Variants in KATNIP observed in about 807,000 individuals in gnomAD.
KATNIP encodes katanin interacting protein.
KATNIP carries 126 observed loss-of-function variants against 174.0 expected under a neutral mutation model. That is an observed-to-expected ratio of 0.72 (90% CI 0.63 to 0.84). KATNIP has a LOEUF of 0.84. Ranked by LOEUF, KATNIP falls within the 40% of genes least tolerant of loss-of-function variation. The pLI, the probability that KATNIP is intolerant of heterozygous loss-of-function variation, is 0.00. For missense variants in KATNIP, 1,958 were observed against 2,109.7 expected, an observed-to-expected ratio of 0.93 and a Z score of 1.41; for synonymous variants, 810 against 835.7, an observed-to-expected ratio of 0.97 and a Z score of 0.53.
At chr16:27,599,857 C>T (rs906946559) in intron 2 of KATNIP, among the ~76,000 whole-genome samples, 4 of 152,186 alleles carry the variant, frequency 2.6e-5, no homozygotes, top group Admixed American at 6.5e-5. Context: ...CTCTGTCCCA[C>T]GTGCCTGCCT....
At chr16:27,675,608 A>G in intron 6 of KATNIP, among the ~76,000 whole-genome samples, 1 of 152,142 alleles carries the variant, frequency 6.6e-6, no homozygotes, top group East Asian at 1.9e-4. Context: ...TTCCTTTTTC[A>G]GGAAGAGCAG....
Position 27,698,476 on chromosome 16 carries a change from C to G in KATNIP, c.1089C>G (p.Ala363=), listed in dbSNP as rs61740297. ...AGAGGGCGCTCCTCAGCAGAAAGGC[C>G]GAGCAGCCAGCCAGCCCACTGCAGG... is the stretch of plus-strand genomic sequence containing the variant. ...ALQRALLSRK[A]EQPASPLQDA... is the part of the protein sequence containing the mutation. The change falls in exon 9 of 28, where the codon GCC becomes GCG. Residue 363 remains alanine (A), a synonymous_variant. Coordinates refer to ENST00000261588, the MANE Select transcript of KATNIP (RefSeq NM_015202.5). 6.2e-7 allele frequency: 1 copy of G among 1,610,780 alleles called. No individual in the cohort carries two copies. The highest frequency in any genetic ancestry group is 1.7e-5 in the Admixed American group (1 of 59,886).
intron 7 of KATNIP, 75 bp downstream of exon 7, chr16:27,678,071 G>A (rs2078188606): frequency 6.6e-7 from 1 of 1,522,382 alleles, no homozygotes; most frequent in Non-Finnish European, 9.0e-7. Context: ...AACTTCCAGT[G>A]GTCCTTTGAG....
At position 27,642,763 on chromosome 16, in the gene KATNIP, TA is replaced by T. The variant is rs201059771; in HGVS notation, c.409-5835del. Among the ~76,000 whole-genome samples, 605 of 140,670 alleles carry T rather than the reference TA, an allele frequency of 4.3e-3. 2 individuals carry two copies. The highest frequency in any genetic ancestry group is 0.017 in the South Asian group (68 of 4,054). 92.3% of individuals were successfully genotyped at this position (140,670 alleles called of 152,430 possible). On this transcript the variant is annotated intron_variant, in intron 5 of 27. Transcript: ENST00000261588. ...GCTGGACACATTGTTTTTTAATTTT[TA>T]AAAAATTTTTTTTTTTTTTTTTTTG...
intron 8 of KATNIP, among the ~76,000 whole-genome samples, chr16:27,692,683 G>A (rs1210093482): frequency 6.6e-6 from 1 of 152,136 alleles, no homozygotes; most frequent in Non-Finnish European, 1.5e-5. Context: ...TTCCCAGATG[G>A]TACATCTCAA....
At chr16:27,744,103 C>T (rs1165678024) in intron 15 of KATNIP, among the ~76,000 whole-genome samples, 1 of 152,190 alleles carries the variant, frequency 6.6e-6, no homozygotes, top group East Asian at 1.9e-4. Context: ...TTAAATTATC[C>T]ATTACCCAGA....
intron 1 of KATNIP, among the ~76,000 whole-genome samples, chr16:27,571,941 A>G (rs1229448543): frequency 6.6e-6 from 1 of 152,186 alleles, no homozygotes; most frequent in African/African-American, 2.4e-5. Flanking sequence ...GGAGGTCCTG[A>G]TAAAATTGGC....
rs978198440 is a variant in KATNIP at position 27,630,975 on chromosome 16, C to A, written c.311-90C>A. On this transcript the variant is annotated intron_variant, in intron 4 of 27. Coordinates refer to ENST00000261588, the MANE Select transcript of KATNIP (RefSeq NM_015202.5). ...ACACAAGACTTTGGGCACACTGATA[C>A]GCATTTTAGACATGAGTTACAAACC... is the stretch of plus-strand genomic sequence containing the variant. 4.7e-5 allele frequency: 45 copies of A among 965,288 alleles called. No individual in the cohort carries two copies. The Admixed American group carries it at 9.1e-4, about 20-fold the overall frequency. 59.8% of individuals were successfully genotyped at this position (965,288 alleles called of 1,614,324 possible).
At chr16:27,770,885 C>T (rs529354200) in intron 21 of KATNIP, among the ~76,000 whole-genome samples, 1 of 152,306 alleles carries the variant, frequency 6.6e-6, no homozygotes, top group African/African-American at 2.4e-5. Flanking sequence ...TGCCTTCCAG[C>T]CTCCTCTCAC....
chr16:27,749,898 G>A lies in KATNIP; in HGVS notation c.2938G>A (p.Asp980Asn), dbSNP rs756182624. Reference sequence around the variant, plus strand: ...GCCTTATGGACAGCGCTTGGTCATTGACATCAAGTCTACCTGGGGGGACAG... The same window carrying A: ...GCCTTATGGACAGCGCTTGGTCATTAACATCAAGTCTACCTGGGGGGACAG... ...VLPYGQRLVI[D>N]IKSTWGDRHY... is the part of the protein sequence containing the mutation. The change falls in exon 16 of 28, where the codon GAC becomes AAC. Residue 980 changes from aspartate to asparagine, a missense_variant. By Grantham distance (23) the Asp-to-Asn change is conservative. Coordinates refer to ENST00000261588, the MANE Select transcript of KATNIP (RefSeq NM_015202.5). 1 of 1,614,186 alleles carries A rather than the reference G, an allele frequency of 6.2e-7. No individual in the cohort carries two copies. The highest frequency in any genetic ancestry group is 8.5e-7 in the Non-Finnish European group (1 of 1,180,028).
At chr16:27,613,209 G>C (rs540720043) in intron 2 of KATNIP, among the ~76,000 whole-genome samples, 34 of 152,326 alleles carry the variant, frequency 2.2e-4, no homozygotes, top group Admixed American at 3.3e-4. Context: ...AGGAAGTTGA[G>C]GCTGCAGTGA....
At chr16:27,566,793 C>T (rs1423344985) in intron 1 of KATNIP, among the ~76,000 whole-genome samples, 1 of 152,194 alleles carries the variant, frequency 6.6e-6, no homozygotes, top group Non-Finnish European at 1.5e-5. Context: ...AGAGCTATCA[C>T]CCGGGGAAGA....
At chr16:27,584,904 G>C (rs755384427) in intron 2 of KATNIP, among the ~76,000 whole-genome samples, 25 of 152,182 alleles carry the variant, frequency 1.6e-4, no homozygotes, top group Non-Finnish European at 2.9e-4. Flanking sequence ...GCTCAGAGCG[G>C]TGAGACAGCC....
At position 27,593,235 on chromosome 16, in the gene KATNIP, C is replaced by G. The variant is rs550949514; in HGVS notation, c.63+19279C>G. On this transcript the variant is annotated intron_variant, in intron 2 of 27. Coordinates refer to ENST00000261588, the MANE Select transcript of KATNIP (RefSeq NM_015202.5). ...CTAAACCCCTTAAACACCCACCCCC[C>G]ACCCTTTTTTTTTTTTTTTGTCTGA... 5.8e-5 allele frequency among the ~76,000 whole-genome samples: 6 copies of G among 103,820 alleles called. No individual in the cohort carries two copies. The Admixed American group carries it at 6.6e-4, about 11-fold the overall frequency. The allele number at this position is 103,820 out of a possible 152,430, so 68.1% of individuals were successfully genotyped here.
chr16:27,656,683 G>T (rs1386382171), intron 6 of KATNIP, among the ~76,000 whole-genome samples: 1 of 147,600 alleles, frequency 6.8e-6, no homozygotes, highest in Admixed American at 6.9e-5. Flanking sequence ...GTAAACTATC[G>T]CAAGAACAAA....
At chr16:27,577,924 C>T (rs775197637) in intron 2 of KATNIP, among the ~76,000 whole-genome samples, 9 of 152,042 alleles carry the variant, frequency 5.9e-5, no homozygotes, top group East Asian at 5.8e-4. Context: ...GTGATTATAA[C>T]GTGTAGCAGT....
intron 3 of KATNIP, among the ~76,000 whole-genome samples, chr16:27,623,311 TAA>T (rs1349732773): frequency 2.6e-5 from 4 of 152,196 alleles, no homozygotes; most frequent in Non-Finnish European, 5.9e-5. Flanking sequence ...AGTTCATTTC[TAA>T]AACAGGCCAA....
intron 5 of KATNIP, among the ~76,000 whole-genome samples, chr16:27,643,641 G>A (rs2076871932): frequency 7.1e-6 from 1 of 140,878 alleles, no homozygotes; most frequent in African/African-American, 2.6e-5. Context: ...GAATGCACCT[G>A]AGTGCTTGGA....
intron 13 of KATNIP, among the ~76,000 whole-genome samples, chr16:27,715,998 A>G (rs996622165): frequency 6.6e-6 from 1 of 152,084 alleles, no homozygotes; most frequent in Admixed American, 6.6e-5. Context: ...AAACTTGTAC[A>G]TGCATGTTCA....
Sources: gnomAD v4.1 joint callset for allele counts (sites outside exome capture counted in the v4.1 genomes callset) on GRCh38, gnomAD v4.1.1 for gene constraint, MANE v1.5 for transcripts, NCBI Gene and HGNC (gene_info 2026-07-23, HGNC 2026-07-21) for gene names.